The following CTNND2 variants were observed in gnomAD, a reference collection of about 807,000 sequenced individuals.
The protein encoded by CTNND2 is catenin delta 2, also known as catenin delta-2.
CTNND2 carries 22 observed loss-of-function variants against 144.4 expected under a neutral mutation model. The observed-to-expected ratio is 0.15, with a 90% CI of 0.11 to 0.22. The LOEUF (loss-of-function observed/expected upper bound fraction) is 0.22, where lower values mean the gene tolerates loss of function less well. CTNND2 is among the 10% of genes least tolerant of loss of function. CTNND2 has a pLI of 1.00. For missense variants in CTNND2, 1,353 were observed against 1,618.8 expected (o/e 0.84, Z 2.82); for synonymous variants, 751 against 695.6 (o/e 1.08, Z -1.25).
At chr5:11,530,755 G>A (rs62338563) in intron 3 of CTNND2, among the ~76,000 whole-genome samples, 33,006 of 152,078 alleles carry the variant, frequency 0.22, 3,711 homozygotes, top group Admixed American at 0.3. Flanking sequence ...CTACAACTAC[G>A]TGTTTCTAGC....
At chr5:11,892,826 G>A (rs1249550142) in intron 1 of CTNND2, among the ~76,000 whole-genome samples, 1 of 152,192 alleles carries the variant, frequency 6.6e-6, no homozygotes, top group Admixed American at 6.5e-5. Flanking sequence ...CCAAGAATCA[G>A]TGAACACGAC....
At chr5:11,078,071 C>G (rs35647329) in intron 16 of CTNND2, among the ~76,000 whole-genome samples, 11,593 of 152,182 alleles carry the variant, frequency 0.076, 583 homozygotes, top group Non-Finnish European at 0.1. Flanking sequence ...GAGGTTCATG[C>G]TGGAGATACC....
chr5:11,623,731 C>T (rs1158651311), intron 2 of CTNND2, among the ~76,000 whole-genome samples: 2 of 143,364 alleles, frequency 1.4e-5, no homozygotes, highest in Middle Eastern at 3.3e-3. Context: ...CCAAAAAATA[C>T]AAAGGGTATT....
intron 16 of CTNND2, among the ~76,000 whole-genome samples, chr5:11,080,841 C>T (rs565556551): frequency 9.9e-5 from 15 of 151,994 alleles, no homozygotes; most frequent in Admixed American, 3.3e-4. Flanking sequence ...TTTGGGAGGC[C>T]GAGGTGGGTG....
At chr5:11,367,988 A>T (rs78657075) in intron 7 of CTNND2, among the ~76,000 whole-genome samples, 3,002 of 152,100 alleles carry the variant, frequency 0.02, 102 homozygotes, top group African/African-American at 0.069. Flanking sequence ...TGCTCTTCCT[A>T]TTTCTTCTCT....
At chr5:11,794,187 G>C (rs1377264747) in intron 1 of CTNND2, among the ~76,000 whole-genome samples, 3 of 152,178 alleles carry the variant, frequency 2.0e-5, no homozygotes, top group Non-Finnish European at 4.4e-5. Flanking sequence ...TCTTCCCTAA[G>C]GAATTTTATT....
At chr5:11,108,663 A>T (rs1407469049) in intron 14 of CTNND2, among the ~76,000 whole-genome samples, 2 of 152,162 alleles carry the variant, frequency 1.3e-5, no homozygotes, top group East Asian at 3.8e-4. Flanking sequence ...TTATAAGCTA[A>T]AAAGGGAGGT....
At chr5:11,690,742 C>CAAA (rs58799389) in intron 2 of CTNND2, among the ~76,000 whole-genome samples, 468 of 36,502 alleles carry the variant, frequency 0.013, 20 homozygotes, top group East Asian at 0.029. Context: ...GACTCCGTCT[C>CAAA]AAAAAAAAAA....
chr5:11,278,300 C>G (rs554439365), intron 9 of CTNND2, among the ~76,000 whole-genome samples: 1 of 152,214 alleles, frequency 6.6e-6, no homozygotes, highest in African/African-American at 2.4e-5. Context: ...TGCTTCCTCA[C>G]TGGGCTTCTT....
chr5:11,470,104 A>G (rs185755038), intron 3 of CTNND2, among the ~76,000 whole-genome samples: 2 of 152,324 alleles, frequency 1.3e-5, no homozygotes, highest in East Asian at 3.9e-4. Flanking sequence ...TTTATAAAAC[A>G]CACCCTATTA....
intron 12 of CTNND2, among the ~76,000 whole-genome samples, chr5:11,129,277 A>T (rs1755291685): frequency 1.6e-5 from 1 of 63,874 alleles, no homozygotes; most frequent in African/African-American, 5.1e-5. Flanking sequence ...ATAAATATAT[A>T]TTATATAAAA....
At chr5:11,383,910 C>A (rs553005849) in intron 7 of CTNND2, among the ~76,000 whole-genome samples, 1 of 152,158 alleles carries the variant, frequency 6.6e-6, no homozygotes, top group Non-Finnish European at 1.5e-5. Context: ...TGGTCGCTGA[C>A]GGGCATAACG....
At chr5:11,823,557 AT>A (rs1435327208) in intron 1 of CTNND2, among the ~76,000 whole-genome samples, 2 of 152,138 alleles carry the variant, frequency 1.3e-5, no homozygotes, top group African/African-American at 4.8e-5. Context: ...AAACTTTCAG[AT>A]TTTTAGCTGT....
chr5:11,803,051 G>A (rs1791781703), intron 1 of CTNND2, among the ~76,000 whole-genome samples: 1 of 152,174 alleles, frequency 6.6e-6, no homozygotes, highest in African/African-American at 2.4e-5. Context: ...GACTGGCGTG[G>A]TGACTGACGC....
intron 1 of CTNND2, among the ~76,000 whole-genome samples, chr5:11,853,976 A>C (rs1203506795): frequency 6.6e-6 from 1 of 152,196 alleles, no homozygotes; most frequent in Non-Finnish European, 1.5e-5. Context: ...AGACTGATCC[A>C]AGTCTATGTC....
chr5:11,412,410 G>C (rs1219153039), intron 3 of CTNND2, among the ~76,000 whole-genome samples: 4 of 152,040 alleles, frequency 2.6e-5, no homozygotes. Flanking sequence ...TTTTAGAATA[G>C]GATCATGTAG....
intron 5 of CTNND2, among the ~76,000 whole-genome samples, chr5:11,401,266 A>G (rs144884256): frequency 1.3e-3 from 193 of 152,358 alleles, no homozygotes; most frequent in African/African-American, 3.9e-3. Flanking sequence ...TTCCATGATT[A>G]TGTGCACTTG....
rs747577386 is a variant in CTNND2, at chr5:11,017,998, T to C, written c.3060A>G (p.Arg1020=). The C allele has an allele frequency of 3.1e-6, 5 of 1,613,534 alleles. No homozygotes were observed. In the Admixed American group the frequency reaches 8.3e-5, roughly 27 times the overall value. Residue 1020 remains arginine, a synonymous_variant, in exon 18 of 22, where the codon CGA becomes CGG. Transcript: ENST00000304623. ...CCTTTTTGTAGAGACTCCTCAGATCTCGGTACTGCCACATGCTGTTGAGGA... is the reference window on the plus strand; with the variant it reads ...CCTTTTTGTAGAGACTCCTCAGATCCCGGTACTGCCACATGCTGTTGAGGA... ...SQVLNSMWQY[R]DLRSLYKKDG...
At chr5:11,488,253 T>C (rs1769030942) in intron 3 of CTNND2, among the ~76,000 whole-genome samples, 2 of 152,226 alleles carry the variant, frequency 1.3e-5, no homozygotes, top group South Asian at 2.1e-4. Flanking sequence ...AAAGTAATAA[T>C]ATCCAAGAAT....
Sources: allele counts gnomAD v4.1 joint callset (sites outside exome capture counted in the v4.1 genomes callset), GRCh38; gene constraint gnomAD v4.1.1; transcripts MANE v1.5; gene names NCBI Gene and HGNC (gene_info 2026-07-23, HGNC 2026-07-21).